Variants in AFF1 observed in about 807,000 individuals in gnomAD.
AFF1 encodes AF4/FMR2 family member 1.
In AFF1, 48 loss-of-function variants were observed where a neutral mutation model predicts 121.7. That is an observed-to-expected ratio of 0.39 (90% CI 0.31 to 0.50). The LOEUF is 0.50. Ranked by LOEUF, AFF1 falls within the 20% of genes least tolerant of loss-of-function variation. The probability of loss-of-function intolerance (pLI) is 0.76; values close to 1 mark genes in which losing one functional copy is unlikely to be tolerated. For synonymous variants in AFF1, 613 were observed against 563.0 expected (o/e 1.09, Z -1.26); for missense variants, 1,523 against 1,511.7 (o/e 1.01, Z -0.12).
intron 4 of AFF1, among the ~76,000 whole-genome samples, chr4:87,051,669 C>T (rs567487833): frequency 4.2e-4 from 64 of 152,088 alleles, no homozygotes; most frequent in Middle Eastern, 3.4e-3. Flanking sequence ...GAGGTTTCAC[C>T]ATGTTGGCCA....
chr4:87,059,301 C>T (rs774402679), intron 4 of AFF1, among the ~76,000 whole-genome samples: 16 of 152,170 alleles, frequency 1.1e-4, no homozygotes, highest in Non-Finnish European at 2.2e-4. Context: ...TTTTGTGCCC[C>T]CCTCTCCCTG....
intron 16 of AFF1, among the ~76,000 whole-genome samples, chr4:87,128,306 AT>A (rs1373214782): frequency 2.0e-5 from 3 of 152,210 alleles, no homozygotes; most frequent in African/African-American, 4.8e-5. Flanking sequence ...CTCTTTACCT[AT>A]TGGCTTTTGG....
At chr4:87,130,069 T>C (rs540729775) in intron 16 of AFF1, among the ~76,000 whole-genome samples, 1 of 151,730 alleles carries the variant, frequency 6.6e-6, no homozygotes, top group Admixed American at 6.6e-5. Context: ...CTGCCTCCCA[T>C]ATTCAAGCGA....
At chr4:87,020,941 A>G in intron 2 of AFF1, 1 of 720,698 alleles carries the variant, frequency 1.4e-6, no homozygotes, top group Non-Finnish European at 1.7e-6. Context: ...TATATTCTGC[A>G]TGCGGATTTT....
intron 12 of AFF1, among the ~76,000 whole-genome samples, chr4:87,121,876 G>A (rs1030587223): frequency 1.3e-5 from 2 of 152,208 alleles, no homozygotes; most frequent in African/African-American, 4.8e-5. Flanking sequence ...GGATTGATTT[G>A]CCCTGACTTG....
intron 12 of AFF1, among the ~76,000 whole-genome samples, chr4:87,115,609 C>CTTTTTTTTTTTTTTTTTT (rs71660115): frequency 1.5e-4 from 6 of 40,654 alleles, no homozygotes; most frequent in African/African-American, 3.2e-4. Flanking sequence ...CAACCCACCT[C>CTTTTTTTTTTTTTTTTTT]TTTTTTTTTT....
chr4:87,125,253 C>A, intron 13 of AFF1, 110 bp downstream of exon 13: 1 of 692,948 alleles, frequency 1.4e-6, no homozygotes, highest in Non-Finnish European at 2.3e-6. Flanking sequence ...TTAATAAACT[C>A]AAGCTCATTT....
intron 4 of AFF1, among the ~76,000 whole-genome samples, chr4:87,074,000 T>G (rs1722402850): frequency 7.1e-6 from 1 of 141,546 alleles, no homozygotes; most frequent in African/African-American, 3.2e-5. Flanking sequence ...TGCATGTGTG[T>G]GTAGGACTGG....
At chr4:87,000,603 CTCTGTGTGTG>C (rs1323101274) in intron 2 of AFF1, among the ~76,000 whole-genome samples, 4 of 76,758 alleles carry the variant, frequency 5.2e-5, no homozygotes, top group Non-Finnish European at 1.0e-4. Context: ...AAAAAATAAA[CTCTGTGTGTG>C]TGTGTGTGTG....
rs1271782570 is a variant in AFF1, at chr4:87,139,219, G to A, written c.*3518G>A. The A allele has an allele frequency of 2.6e-5, 6 of 231,724 alleles. No individual in the cohort carries two copies. The highest frequency in any genetic ancestry group is 4.3e-5 in the Non-Finnish European group (5 of 117,218). The allele number at this position is 231,724 out of a possible 1,614,324, so 14.4% of individuals were successfully genotyped here. On this transcript the variant is annotated 3_prime_UTR_variant, in exon 21 of 21. Coordinates refer to ENST00000395146, the MANE Select transcript of AFF1 (RefSeq NM_001166693.3). The stretch of plus-strand genomic sequence containing the variant: ...TTTTAAATACCGCTGTGTTTGTTTC[G>A]CCATGGCTTCAGGGATGCTACATGG...
At chr4:87,032,228 T>C (rs1029480429) in intron 2 of AFF1, among the ~76,000 whole-genome samples, 2 of 152,228 alleles carry the variant, frequency 1.3e-5, no homozygotes, top group Admixed American at 1.3e-4. Context: ...TTTAGAAACA[T>C]GTAACTGTTG....
At chr4:86,939,696 CCTT>C (rs1257543672) in intron 1 of AFF1, among the ~76,000 whole-genome samples, 1 of 152,190 alleles carries the variant, frequency 6.6e-6, no homozygotes, top group Non-Finnish European at 1.5e-5. Context: ...CATACCATTT[CCTT>C]CTTATAGATA....
chr4:87,125,111 T>A lies in AFF1; in HGVS notation c.2541T>A (p.Ser847=). Residue 847 remains serine, a synonymous_variant, in exon 13 of 21, where the codon TCT becomes TCA. Coordinates refer to ENST00000395146, the MANE Select transcript of AFF1 (RefSeq NM_001166693.3). ...AAATCAAATCACAGTCATCTTCATCTTCATCCTCCCACAAAGAATCTTCTA... is the reference window on the plus strand; with the variant it reads ...AAATCAAATCACAGTCATCTTCATCATCATCCTCCCACAAAGAATCTTCTA... ...EKEIKSQSSS[S]SSSHKESSKT... 1 of 1,610,530 alleles carries A rather than the reference T, an allele frequency of 6.2e-7. No homozygotes were observed. Among genetic ancestry groups the A allele is most frequent in the African/African-American group, 1.3e-5 (1 of 74,968 alleles).
intron 2 of AFF1, among the ~76,000 whole-genome samples, chr4:87,009,828 G>A (rs1332411760): frequency 6.6e-6 from 1 of 152,208 alleles, no homozygotes; most frequent in Admixed American, 6.5e-5. Flanking sequence ...AAAATCTCAG[G>A]TAGTGAAATC....
chr4:86,997,415 TCTG>T (rs1238814964), intron 2 of AFF1, among the ~76,000 whole-genome samples: 1 of 152,218 alleles, frequency 6.6e-6, no homozygotes, highest in African/African-American at 2.4e-5. Context: ...TTTCAGGTAT[TCTG>T]CTATAGGCAG....
intron 4 of AFF1, among the ~76,000 whole-genome samples, chr4:87,079,653 T>C (rs1387713060): frequency 3.3e-5 from 5 of 152,230 alleles, no homozygotes; most frequent in Admixed American, 3.3e-4. Context: ...GCTCAGCTGC[T>C]TCAGAGCTTT....
chr4:87,136,056 CAACTCTG>C lies in AFF1; in HGVS notation c.*358_*364del, dbSNP rs1729276107. The C allele has an allele frequency of 4.0e-6, 1 of 251,340 alleles. No homozygotes were observed. The highest frequency in any genetic ancestry group is 7.6e-6 in the Non-Finnish European group (1 of 130,972). The allele number at this position is 251,340 out of a possible 1,614,324, so 15.6% of individuals were successfully genotyped here. On this transcript the variant is annotated 3_prime_UTR_variant, in exon 21 of 21. Coordinates refer to ENST00000395146, the MANE Select transcript of AFF1 (RefSeq NM_001166693.3). ...CAAATGAAATGAGGAGAAACAGTTT[CAACTCTG>C]AAAGTGAATTTCACGTCATCTCAGT...
In AFF1 at chr4:87,047,450, T is replaced by C; in HGVS notation, c.915T>C (p.Asp305=). The C allele has an allele frequency of 6.2e-7, 1 of 1,614,142 alleles. No individual in the cohort carries two copies. Among genetic ancestry groups the C allele is most frequent in the Admixed American group, 1.7e-5 (1 of 60,024 alleles). Residue 305 remains aspartate, a synonymous_variant, in exon 4 of 21, where the codon GAT becomes GAC. Transcript: ENST00000395146. The stretch of plus-strand genomic sequence containing the variant: ...CCACGGCTTATGTCCGGCCCATGGA[T>C]GGTCAAGATCAGGCCCCTAGTGAAT... ...QKPTAYVRPM[D]GQDQAPSESP... is the part of the protein sequence containing the mutation.
chr4:87,109,719 G>A (rs1403480328), intron 11 of AFF1, among the ~76,000 whole-genome samples: 2 of 152,170 alleles, frequency 1.3e-5, no homozygotes, highest in African/African-American at 2.4e-5. Context: ...CTGAATAATT[G>A]AAACTTGATA....
Sources: gnomAD v4.1 joint callset for allele counts (sites outside exome capture counted in the v4.1 genomes callset) on GRCh38, gnomAD v4.1.1 for gene constraint, MANE v1.5 for transcripts, NCBI Gene and HGNC (gene_info 2026-07-23, HGNC 2026-07-21) for gene names.